WWOX: variants seen among roughly 807,000 people sequenced by gnomAD.
WWOX encodes WW domain containing oxidoreductase.
In WWOX, 69 loss-of-function variants were observed where a neutral mutation model predicts 46.2. The observed-to-expected ratio is 1.49, with a 90% CI of 1.23 to 1.82. WWOX has a LOEUF of 1.82. Ranked by LOEUF, WWOX falls within the 40% of genes most tolerant of loss-of-function variation. The pLI is 0.00. For synonymous variants in WWOX, 359 were observed against 202.6 expected, an observed-to-expected ratio of 1.77 and a Z score of -6.56; for missense variants, 919 against 542.6, an observed-to-expected ratio of 1.69 and a Z score of -6.89.
intron 8 of WWOX, among the ~76,000 whole-genome samples, chr16:78,679,367 A>G (rs553820968): frequency 1.3e-5 from 2 of 152,276 alleles, no homozygotes; most frequent in Admixed American, 6.5e-5. Flanking sequence ...CTTGGCCATC[A>G]CAGTAAAACC....
intron 8 of WWOX, among the ~76,000 whole-genome samples, chr16:78,987,576 A>G (rs2046806312): frequency 6.6e-6 from 1 of 152,200 alleles, no homozygotes; most frequent in African/African-American, 2.4e-5. Flanking sequence ...GGTTGAGAAA[A>G]ATTGGAAAAG....
intron 8 of WWOX, among the ~76,000 whole-genome samples, chr16:78,794,527 C>T (rs1283907285): frequency 1.3e-5 from 2 of 152,090 alleles, no homozygotes; most frequent in African/African-American, 4.8e-5. Context: ...ATTTTCTCAT[C>T]CAAAAAAATG....
At chr16:78,674,439 C>T (rs1238695171) in intron 8 of WWOX, among the ~76,000 whole-genome samples, 1 of 152,108 alleles carries the variant, frequency 6.6e-6, no homozygotes, top group Admixed American at 6.5e-5. Flanking sequence ...CGTCCGCCAC[C>T]ATGCCCAGCT....
intron 8 of WWOX, among the ~76,000 whole-genome samples, chr16:79,003,016 C>G (rs1181406458): frequency 1.3e-5 from 2 of 152,192 alleles, no homozygotes; most frequent in Non-Finnish European, 2.9e-5. Flanking sequence ...ACCCAGCTCG[C>G]CAATGCATGC....
At chr16:78,209,029 C>A (rs1205467434) in intron 5 of WWOX, among the ~76,000 whole-genome samples, 3 of 151,968 alleles carry the variant, frequency 2.0e-5, no homozygotes, top group Admixed American at 6.6e-5. Flanking sequence ...ATTGGGAATG[C>A]TTGTATTTGA....
chr16:78,119,339 T>C (rs990630453), intron 4 of WWOX, among the ~76,000 whole-genome samples: 1 of 152,214 alleles, frequency 6.6e-6, no homozygotes, highest in Non-Finnish European at 1.5e-5. Context: ...AGGTCCCTGC[T>C]TCGTTTTTAG....
rs28407772 is a variant in WWOX at position 78,501,302 on chromosome 16, T to G, written c.1056+68550T>G. Among the ~76,000 whole-genome samples, 476 of 151,504 alleles carry G rather than the reference T, an allele frequency of 3.1e-3. 3 individuals are homozygous for G. The highest frequency in any genetic ancestry group is 0.01 in the Middle Eastern group (3 of 292). ...ACCCCTTGGTTCAGATATCTTTGTT[T>G]GTGTAAATGTTTTGGCATTCTTTAT... On this transcript the variant is annotated intron_variant, in intron 8 of 8. Coordinates refer to ENST00000566780, the MANE Select transcript of WWOX (RefSeq NM_016373.4).
intron 5 of WWOX, among the ~76,000 whole-genome samples, chr16:78,352,026 A>C (rs2081195441): frequency 6.6e-6 from 1 of 152,146 alleles, no homozygotes; most frequent in African/African-American, 2.4e-5. Flanking sequence ...GCAGTTGATG[A>C]TCCAGAGCTT....
chr16:78,479,304 C>T (rs910941437), intron 8 of WWOX, among the ~76,000 whole-genome samples: 1 of 152,276 alleles, frequency 6.6e-6, no homozygotes, highest in African/African-American at 2.4e-5. Context: ...CTTCCAGGAT[C>T]TTATTATCTA....
At chr16:79,197,406 G>C (rs1471980308) in intron 8 of WWOX, among the ~76,000 whole-genome samples, 4 of 152,260 alleles carry the variant, frequency 2.6e-5, no homozygotes, top group African/African-American at 9.6e-5. Flanking sequence ...AATTGCTTGT[G>C]GTGAGAGTAT....
chr16:78,144,517 ATATATATT>A (rs1250328256), intron 4 of WWOX, among the ~76,000 whole-genome samples: 643 of 41,824 alleles, frequency 0.015, 53 homozygotes, highest in African/African-American at 0.051. Flanking sequence ...ATATATATAT[ATATATATT>A]TTTTTTTTTT....
intron 8 of WWOX, among the ~76,000 whole-genome samples, chr16:78,696,891 A>T (rs992310064): frequency 2.6e-5 from 4 of 152,132 alleles, no homozygotes; most frequent in African/African-American, 9.7e-5. Flanking sequence ...CTTAGCTCCC[A>T]CTTATAAGTG....
intron 5 of WWOX, among the ~76,000 whole-genome samples, chr16:78,370,535 T>C (rs75965087): frequency 1.8e-3 from 281 of 152,188 alleles, no homozygotes; most frequent in African/African-American, 6.4e-3. Flanking sequence ...TAAATGTTTC[T>C]ATTCTTCTGT....
At chr16:78,767,302 A>AT (rs1282433170) in intron 8 of WWOX, among the ~76,000 whole-genome samples, 2 of 151,436 alleles carry the variant, frequency 1.3e-5, no homozygotes, top group East Asian at 1.9e-4. Flanking sequence ...TTTTATTATT[A>AT]TTTTTTTATT....
intron 8 of WWOX, among the ~76,000 whole-genome samples, chr16:79,065,733 T>C (rs1465239747): frequency 1.3e-5 from 2 of 152,220 alleles, no homozygotes; most frequent in African/African-American, 2.4e-5. Context: ...AAGGCTGTTA[T>C]CATTCTTGCT....
chr16:78,208,097 G>C (rs1391554117), intron 5 of WWOX, among the ~76,000 whole-genome samples: 1 of 152,230 alleles, frequency 6.6e-6, no homozygotes, highest in African/African-American at 2.4e-5. Flanking sequence ...ACAGGCATGA[G>C]CCTCTCCATC....
At chr16:78,641,146 C>A (rs1024863399) in intron 8 of WWOX, among the ~76,000 whole-genome samples, 1 of 152,058 alleles carries the variant, frequency 6.6e-6, no homozygotes, top group Non-Finnish European at 1.5e-5. Context: ...CAAAAAAATT[C>A]TCTTCCTTGG....
intron 8 of WWOX, among the ~76,000 whole-genome samples, chr16:78,693,707 G>A (rs1328586927): frequency 2.6e-5 from 4 of 152,122 alleles, no homozygotes; most frequent in South Asian, 4.2e-4. Flanking sequence ...GCTACTAATC[G>A]CCCTCTATTG....
rs995269090 is a variant in WWOX at position 78,736,838 on chromosome 16, G to C, written c.1056+304086G>C. ...TGCCCTGGCTGGTCTCAAACTCCTG[G>C]GCTCATACAATTCCCCTGCCTCAGA... is the stretch of plus-strand genomic sequence containing the variant. On this transcript the variant is annotated intron_variant, in intron 8 of 8. Coordinates refer to ENST00000566780, the MANE Select transcript of WWOX (RefSeq NM_016373.4). Among the ~76,000 whole-genome samples, 7 of 152,072 alleles carry C rather than the reference G, an allele frequency of 4.6e-5. 1 individual carries two copies. The highest frequency in any genetic ancestry group is 3.4e-3 in the Middle Eastern group (1 of 294).
Sources: allele counts gnomAD v4.1 joint callset (sites outside exome capture counted in the v4.1 genomes callset), GRCh38; gene constraint gnomAD v4.1.1; transcripts MANE v1.5; gene names NCBI Gene and HGNC (gene_info 2026-07-23, HGNC 2026-07-21).